The following PLEKHG1 variants were observed in gnomAD, a reference collection of about 807,000 sequenced individuals.
The protein encoded by PLEKHG1 is pleckstrin homology domain-containing family G member 1.
PLEKHG1 carries 44 observed loss-of-function variants against 100.8 expected under a neutral mutation model. The ratio of observed to expected loss-of-function variants is 0.44; its 90% CI spans 0.34 to 0.56. PLEKHG1 has a LOEUF of 0.56. Among genes scored for constraint, PLEKHG1 ranks in the 20% least tolerant of loss-of-function variants. The pLI, the probability that PLEKHG1 is intolerant of heterozygous loss-of-function variation, is 0.01. For missense variants in PLEKHG1, 1,545 were observed against 1,720.9 expected, an observed-to-expected ratio of 0.90 and a Z score of 1.81; for synonymous variants, 640 against 662.5, an observed-to-expected ratio of 0.97 and a Z score of 0.52.
At chr6:150,642,047 A>C (rs1778292645) in intron 2 of PLEKHG1, among the ~76,000 whole-genome samples, 1 of 152,132 alleles carries the variant, frequency 6.6e-6, no homozygotes, top group African/African-American at 2.4e-5. Context: ...CATTAAATAA[A>C]TGGGTGAATA....
At chr6:150,708,106 G>A (rs958251829) in intron 3 of PLEKHG1, among the ~76,000 whole-genome samples, 3 of 152,092 alleles carry the variant, frequency 2.0e-5, no homozygotes, top group African/African-American at 7.2e-5. Flanking sequence ...CTCTCCTCTT[G>A]TGTTTCCTGC....
At chr6:150,755,949 T>C (rs12664005) in intron 2 of PLEKHG1, among the ~76,000 whole-genome samples, 21,287 of 152,174 alleles carry the variant, frequency 0.14, 178 homozygotes, top group African/African-American at 0.3. Context: ...CTGCATTTAC[T>C]ACAAGAAAAA....
intron 3 of PLEKHG1, among the ~76,000 whole-genome samples, chr6:150,653,389 A>G (rs1395811579): frequency 1.1e-4 from 17 of 152,068 alleles, no homozygotes; most frequent in Non-Finnish European, 2.2e-4. Context: ...CCTGTGTTAT[A>G]GGTCAGGCTC....
chr6:150,707,969 A>G (rs1336528200), intron 3 of PLEKHG1, among the ~76,000 whole-genome samples: 1 of 152,092 alleles, frequency 6.6e-6, no homozygotes, highest in Non-Finnish European at 1.5e-5. Flanking sequence ...TGATCCTTCC[A>G]GGGACCCCTG....
intron 1 of PLEKHG1, among the ~76,000 whole-genome samples, chr6:150,729,447 T>G (rs1782131985): frequency 6.6e-6 from 1 of 152,188 alleles, no homozygotes; most frequent in Non-Finnish European, 1.5e-5. Flanking sequence ...ATGTTAATAA[T>G]TGGTGAGTTG....
intron 3 of PLEKHG1, among the ~76,000 whole-genome samples, chr6:150,674,634 T>TCTCTCTCTCTCTCC (rs1779684661): frequency 1.5e-5 from 1 of 68,596 alleles, no homozygotes; most frequent in Non-Finnish European, 3.1e-5. Context: ...CTCTCCTCCC[T>TCTCTCTCTCTCTCC]CTCTCTCTCT....
intron 3 of PLEKHG1, among the ~76,000 whole-genome samples, chr6:150,704,373 C>CA (rs777278037): frequency 5.1e-4 from 77 of 152,224 alleles, no homozygotes; most frequent in Non-Finnish European, 9.8e-4. Flanking sequence ...TCCTATAACA[C>CA]ACCTCACCCT....
chr6:150,831,704 A>G lies in PLEKHG1; in HGVS notation c.2593A>G (p.Lys865Glu). 3.7e-6 allele frequency: 6 copies of G among 1,613,192 alleles called. No individual in the cohort carries two copies. The highest frequency in any genetic ancestry group is 5.1e-6 in the Non-Finnish European group (6 of 1,180,032). ...TCTCCTGGCAGCGTTTCCTGTGAGC[A>G]AGGATGATGTGCCAGACAGGCTGCA... Residue 865 changes from lysine (K) to glutamate (E), a missense_variant, in exon 15 of 16, where the codon AAG becomes GAG. Transcript: ENST00000358517. The surrounding 1 kb of genome is among the most constrained non-coding windows in gnomAD (Gnocchi z 4.1).
rs150679038 is a variant in PLEKHG1 at position 150,653,937 on chromosome 6, C to T, written c.-99+3151C>T. Among the ~76,000 whole-genome samples the T allele has an allele frequency of 5.3e-3, 804 of 152,194 alleles. 13 individuals are homozygous for T. Among genetic ancestry groups the T allele is most frequent in the African/African-American group, 0.018 (755 of 41,538 alleles). ...AAAATCAAATAAATATTTCCCTTTC[C>T]ATAATCATTGATATTCTGTTTGCTT... is the stretch of plus-strand genomic sequence containing the variant. On this transcript the variant is annotated intron_variant, in intron 3 of 3. Coordinates refer to the PLEKHG1 transcript ENST00000367326.
chr6:150,670,442 C>A (rs1779545321), intron 3 of PLEKHG1, among the ~76,000 whole-genome samples: 1 of 152,206 alleles, frequency 6.6e-6, no homozygotes, highest in Non-Finnish European at 1.5e-5. Context: ...AGAAGGACAA[C>A]ATCGAAGCCC....
intron 3 of PLEKHG1, among the ~76,000 whole-genome samples, chr6:150,773,233 T>C (rs1784792672): frequency 6.6e-6 from 1 of 152,302 alleles, no homozygotes; most frequent in Non-Finnish European, 1.5e-5. Flanking sequence ...TAGCCACTGA[T>C]TTGAAAAGTA....
At position 150,678,063 on chromosome 6, in the gene PLEKHG1, CATATATAT is replaced by C. The variant is rs201616866; in HGVS notation, c.-99+27310_-99+27317del. On this transcript the variant is annotated intron_variant, in intron 3 of 3. Transcript: ENST00000367326. ...TGGGATACAATGTGATGTTTTGATG[CATATATAT>C]ATATATATATATATATATATATATA... 5.5e-3 allele frequency among the ~76,000 whole-genome samples: 330 copies of C among 60,120 alleles called. 3 individuals carry two copies. The highest frequency in any genetic ancestry group is 0.032 in the East Asian group (47 of 1,464). 39.4% of individuals were successfully genotyped at this position (60,120 alleles called of 152,430 possible). A position where few individuals can be genotyped will look rare whatever the true frequency, so the allele number is the denominator to read the frequency against.
intron 3 of PLEKHG1, among the ~76,000 whole-genome samples, chr6:150,672,107 T>C (rs914478019): frequency 6.6e-6 from 1 of 152,076 alleles, no homozygotes; most frequent in African/African-American, 2.4e-5. Flanking sequence ...GGGTCCCTGA[T>C]AATAGAGAAG....
rs1562511517 is a variant in PLEKHG1 at position 150,779,357 on chromosome 6, T to TTTTTTTTTTA, written c.513-7027_513-7026insTTTATTTTTT. 3.4e-5 allele frequency among the ~76,000 whole-genome samples: 5 copies of TTTTTTTTTTA among 147,186 alleles called. 1 individual carries two copies. The highest frequency in any genetic ancestry group is 1.3e-4 in the African/African-American group (5 of 38,298). On this transcript the variant is annotated intron_variant, in intron 3 of 15. Coordinates refer to ENST00000358517, the Ensembl canonical transcript of PLEKHG1. Reference sequence around the variant, plus strand: ...TATTGTCAAGAAGTTTTTTTTTTTTTTTTTTTGAGACAGAGTCTCGTTCTG... The same window carrying TTTTTTTTTTA: ...TATTGTCAAGAAGTTTTTTTTTTTTTTTTTTTTTTATTTTTTGAGACAGAGTCTCGTTCTG...
chr6:150,708,152 G>A (rs1781100484), intron 3 of PLEKHG1, among the ~76,000 whole-genome samples: 1 of 152,094 alleles, frequency 6.6e-6, no homozygotes, highest in East Asian at 1.9e-4. Flanking sequence ...AAGTTGCCTG[G>A]CATATTACAT....
chr6:150,785,579 C>T (rs1785577100), intron 3 of PLEKHG1, among the ~76,000 whole-genome samples: 1 of 152,092 alleles, frequency 6.6e-6, no homozygotes, highest in Non-Finnish European at 1.5e-5. Flanking sequence ...AAGATATTTC[C>T]CTTCCCAGCA....
At chr6:150,624,182 T>C (rs1458178013) in intron 1 of PLEKHG1, among the ~76,000 whole-genome samples, 4 of 152,208 alleles carry the variant, frequency 2.6e-5, no homozygotes, top group African/African-American at 9.6e-5. Context: ...AACCTCCTGT[T>C]CCAGGTCTTT....
intron 3 of PLEKHG1, among the ~76,000 whole-genome samples, chr6:150,776,761 C>G (rs1452187915): frequency 6.6e-6 from 1 of 150,890 alleles, no homozygotes. Context: ...TTGCACATTA[C>G]TCACACTGAT....
chr6:150,802,559 A>G (rs961919076), intron 6 of PLEKHG1, among the ~76,000 whole-genome samples: 1 of 151,996 alleles, frequency 6.6e-6, no homozygotes. Context: ...GGCAATGAAG[A>G]AAAAAAACAG....
Sources: gnomAD v4.1 joint callset for allele counts (sites outside exome capture counted in the v4.1 genomes callset) on GRCh38, gnomAD v4.1.1 for gene constraint, Gnocchi (gnomAD v3.1) non-coding constraint, MANE v1.5 for transcripts, NCBI Gene and HGNC (gene_info 2026-07-23, HGNC 2026-07-21) for gene names.